MAGEA1: variants seen among roughly 807,000 people sequenced by gnomAD.
MAGEA1 encodes the protein melanoma-associated antigen 1.
For synonymous variants in MAGEA1, 101 were observed against 96.7 expected, an observed-to-expected ratio of 1.04 and a Z score of -0.26; for missense variants, 182 against 233.7, an observed-to-expected ratio of 0.78 and a Z score of 1.44.
Position 153,183,766 on chromosome X carries a change from C to G in MAGEA1, c.*447C>G, listed in dbSNP as rs45558344. 2.7e-4 allele frequency: 36 copies of G among 131,768 alleles called. No individual in the cohort carries two copies. Among genetic ancestry groups the G allele is most frequent in the Non-Finnish European group, 1.1e-4 (7 of 62,533 alleles). The allele number at this position is 131,768 out of a possible 1,213,427, so 10.9% of individuals were successfully genotyped here. ...AAATTAAGAGATAGTCAATTCTTGC[C>G]TTATACCTCAGTCTATTCTGTAAAA... is the stretch of plus-strand genomic sequence containing the variant. On this transcript the variant is annotated 3_prime_UTR_variant, in exon 3 of 3. Coordinates refer to ENST00000356661, the MANE Select transcript of MAGEA1 (RefSeq NM_004988.5).
At chrX:153,180,434 A>G (rs914409432) in intron 1 of MAGEA1, among the ~76,000 whole-genome samples, 1 of 110,869 alleles carries the variant, frequency 9.0e-6, no homozygotes, top group African/African-American at 3.3e-5. Flanking sequence ...CCTGCTGTCA[A>G]CCCACGGAAG....
chrX:153,182,504 G>C lies in MAGEA1; in HGVS notation c.115G>C (p.Val39Leu). The change falls in exon 3 of 3, where the codon GTC becomes CTC. Residue 39 changes from valine to leucine, a missense_variant. Physicochemically the swap from Val to Leu is conservative, Grantham distance 32. Transcript: ENST00000356661. The stretch of plus-strand genomic sequence containing the variant: ...TGCCACCTCCTCCTCCTCTCCTCTG[G>C]TCCTGGGCACCCTGGAGGAGGTGCC... ...QAATSSSSPL[V>L]LGTLEEVPTA... 2 of 1,211,376 alleles carry C rather than the reference G, an allele frequency of 1.7e-6. No individual in the cohort carries two copies. Among genetic ancestry groups the C allele is most frequent in the South Asian group, 3.5e-5 (2 of 56,959 alleles).
chrX:153,183,692 T>C lies in MAGEA1; in HGVS notation c.*373T>C. On this transcript the variant is annotated 3_prime_UTR_variant, in exon 3 of 3. Coordinates refer to ENST00000356661, the MANE Select transcript of MAGEA1 (RefSeq NM_004988.5). The stretch of plus-strand genomic sequence containing the variant: ...TAATAACAGCAGTGGAATAAGTACT[T>C]AGAAATGTGAAAAATGAGCAGTAAA... 1 of 168,931 alleles carries C rather than the reference T, an allele frequency of 5.9e-6. No homozygotes were observed. The highest frequency in any genetic ancestry group is 1.2e-5 in the Non-Finnish European group (1 of 83,854). 13.9% of individuals were successfully genotyped at this position (168,931 alleles called of 1,213,427 possible).
In MAGEA1 at chrX:153,182,871, A is replaced by C. The variant is rs1556944158; in HGVS notation, c.482A>C (p.Glu161Ala). 3 of 1,211,823 alleles carry C rather than the reference A, an allele frequency of 2.5e-6. No individual in the cohort carries two copies. In the Admixed American group the frequency reaches 6.5e-5, roughly 26 times the overall value. ...CTGGTCTTTGGCATTGACGTGAAGG[A>C]AGCAGACCCCACCGGCCACTCCTAT... ...LQLVFGIDVK[E>A]ADPTGHSYVL... The change falls in exon 3 of 3, where the codon GAA becomes GCA. Residue 161 changes from glutamate (E) to alanine (A), a missense_variant. Coordinates refer to ENST00000356661, the MANE Select transcript of MAGEA1 (RefSeq NM_004988.5).
rs1556944064 is a variant in MAGEA1, at chrX:153,182,423, C to A, written c.34C>A (p.Pro12Thr). The A allele has an allele frequency of 5.8e-6, 7 of 1,209,040 alleles. No homozygotes were observed. In the Admixed American group the frequency reaches 1.3e-4, roughly 23 times the overall value. The change falls in exon 3 of 3, where the codon CCT (proline) becomes ACT (threonine). Residue 12 changes from proline (P) to threonine (T), a missense_variant. By Grantham distance (38) the Pro-to-Thr change is conservative (BLOSUM62 -1). Transcript: ENST00000356661. The stretch of plus-strand genomic sequence containing the variant: ...TGAGCAGAGGAGTCTGCACTGCAAG[C>A]CTGAGGAAGCCCTTGAGGCCCAACA... The part of the protein sequence containing the change: ...SLEQRSLHCK[P>T]EEALEAQQEA...
chrX:153,179,576 T>C (rs1265653888), intron 1 of MAGEA1, among the ~76,000 whole-genome samples: 1 of 109,573 alleles, frequency 9.1e-6, no homozygotes, highest in Non-Finnish European at 1.9e-5. Context: ...AGGGCAGGAC[T>C]GGTTAGGAGA....
In MAGEA1 at chrX:153,183,397, T is replaced by C; in HGVS notation, c.*78T>C. On this transcript the variant is annotated 3_prime_UTR_variant, in exon 3 of 3. Coordinates refer to ENST00000356661, the MANE Select transcript of MAGEA1 (RefSeq NM_004988.5). ...CAGGGCCGCGTCCAGCAGCTTCCCCTGCCTCGTGTGACATGAGGCCCATTC... is the reference window on the plus strand; with the variant it reads ...CAGGGCCGCGTCCAGCAGCTTCCCCCGCCTCGTGTGACATGAGGCCCATTC... 1.0e-6 allele frequency: 1 copy of C among 982,815 alleles called. No individual in the cohort carries two copies. Among genetic ancestry groups the C allele is most frequent in the Non-Finnish European group, 1.4e-6 (1 of 707,331 alleles). 81.0% of individuals were successfully genotyped at this position (982,815 alleles called of 1,213,427 possible).
intron 1 of MAGEA1, among the ~76,000 whole-genome samples, 193 bp from the exon 2 acceptor site, chrX:153,181,984 C>T (rs782643765): frequency 1.8e-5 from 2 of 111,462 alleles, no homozygotes; most frequent in East Asian, 5.7e-4. Flanking sequence ...ACAGTATCCT[C>T]AGGTCACAGA....
At chrX:153,180,671 G>A (rs1275642538) in intron 1 of MAGEA1, among the ~76,000 whole-genome samples, 1 of 111,945 alleles carries the variant, frequency 8.9e-6, no homozygotes, top group Non-Finnish European at 1.9e-5. Context: ...TAGCATGGGG[G>A]TGGGACCCAG....
Position 153,182,779 on chromosome X carries a change from G to T in MAGEA1, c.390G>T (p.Glu130Asp), listed in dbSNP as rs1556944145. Reference protein sequence around the residue: ...REPVTKAEMLESVIKNYKHCF... With the variant: ...REPVTKAEMLDSVIKNYKHCF... ...CAGTCACAAAGGCAGAAATGCTGGA[G>T]AGTGTCATCAAAAATTACAAGCACT... The change falls in exon 3 of 3, where the codon GAG becomes GAT. Residue 130 changes from glutamate to aspartate, a missense_variant. Physicochemically the swap from Glu to Asp is conservative, Grantham distance 45. Transcript: ENST00000356661. The T allele has an allele frequency of 8.3e-7, 1 of 1,212,036 alleles. No individual in the cohort carries two copies. Among genetic ancestry groups the T allele is most frequent in the South Asian group, 1.8e-5 (1 of 56,973 alleles).
chrX:153,183,211 C>G lies in MAGEA1; in HGVS notation c.822C>G (p.Thr274=). ...FLWGPRALAE[T]SYVKVLEYVI... The stretch of plus-strand genomic sequence containing the variant: ...GGGGTCCAAGGGCCCTCGCTGAAAC[C>G]AGCTATGTGAAAGTCCTTGAGTATG... The change falls in exon 3 of 3, where the codon ACC becomes ACG. Residue 274 remains threonine (T), a synonymous_variant. Transcript: ENST00000356661. The G allele has an allele frequency of 8.2e-7, 1 of 1,212,233 alleles. No homozygotes were observed. Among genetic ancestry groups the G allele is most frequent in the Non-Finnish European group, 1.1e-6 (1 of 895,607 alleles).
Position 153,182,595 on chromosome X carries a change from A to G in MAGEA1, c.206A>G (p.Asn69Ser), listed in dbSNP as rs782303860. 4 of 1,208,860 alleles carry G rather than the reference A, an allele frequency of 3.3e-6. No homozygotes were observed. Among genetic ancestry groups the G allele is most frequent in the East Asian group, 3.0e-5 (1 of 33,705 alleles). Reference sequence around the variant, plus strand: ...GCCTCCGCCTTTCCCACTACCATCAACTTCACTCGACAGAGGCAACCCAGT... The same window carrying G: ...GCCTCCGCCTTTCCCACTACCATCAGCTTCACTCGACAGAGGCAACCCAGT... ...QGASAFPTTINFTRQRQPSEG... is the reference protein window; with the variant it reads ...QGASAFPTTISFTRQRQPSEG... Residue 69 changes from asparagine (N) to serine (S), a missense_variant, in exon 3 of 3, where the codon AAC becomes AGC. Asn to Ser is a conservative substitution (Grantham distance 46). Transcript: ENST00000356661.
At chrX:153,181,129 G>A (rs969816787) in intron 1 of MAGEA1, among the ~76,000 whole-genome samples, 34 of 111,072 alleles carry the variant, frequency 3.1e-4, no homozygotes, top group African/African-American at 1.1e-3. Context: ...AAGCACAGGC[G>A]CTGGCAGGAA....
chrX:153,183,250 T>C lies in MAGEA1; in HGVS notation c.861T>C (p.Ser287=). 8.2e-7 allele frequency: 1 copy of C among 1,212,157 alleles called. No individual in the cohort carries two copies. The highest frequency in any genetic ancestry group is 1.1e-6 in the Non-Finnish European group (1 of 895,587). The change falls in exon 3 of 3, where the codon AGT becomes AGC. Residue 287 remains serine, a synonymous_variant. Coordinates refer to ENST00000356661, the MANE Select transcript of MAGEA1 (RefSeq NM_004988.5). ...VKVLEYVIKV[S]ARVRFFFPSL... is the part of the protein sequence containing the mutation. ...TCCTTGAGTATGTGATCAAGGTCAG[T>C]GCAAGAGTTCGCTTTTTCTTCCCAT...
In MAGEA1 at chrX:153,182,878, C is replaced by G. The variant is rs782661974; in HGVS notation, c.489C>G (p.Asp163Glu). ...LVFGIDVKEA[D>E]PTGHSYVLVT... ...TTGGCATTGACGTGAAGGAAGCAGA[C>G]CCCACCGGCCACTCCTATGTCCTTG... The change falls in exon 3 of 3, where the codon GAC (aspartate) becomes GAG (glutamate). Residue 163 changes from aspartate (D) to glutamate (E), a missense_variant. Asp to Glu is a conservative substitution (Grantham distance 45, BLOSUM62 2). Transcript: ENST00000356661. 52 of 1,210,111 alleles carry G rather than the reference C, an allele frequency of 4.3e-5. No homozygotes were observed. The Admixed American group carries it at 8.3e-4, about 19-fold the overall frequency.
chrX:153,180,687 C>T (rs2051488476), intron 1 of MAGEA1, among the ~76,000 whole-genome samples: 1 of 111,735 alleles, frequency 8.9e-6, no homozygotes, highest in Non-Finnish European at 1.9e-5. Context: ...CCCAGGCCTG[C>T]AAGGCTTACG....
At position 153,182,980 on chromosome X, in the gene MAGEA1, T is replaced by C. The variant is rs868942456; in HGVS notation, c.591T>C (p.Ile197=). 4.1e-6 allele frequency: 5 copies of C among 1,209,602 alleles called. No homozygotes were observed. The highest frequency in any genetic ancestry group is 5.6e-6 in the Non-Finnish European group (5 of 895,135). The stretch of plus-strand genomic sequence containing the variant: ...TGCCCAAGACAGGCTTCCTGATAAT[T>C]GTCCTGGTCATGATTGCAATGGAGG... ...QIMPKTGFLI[I]VLVMIAMEGG... The change falls in exon 3 of 3, where the codon ATT becomes ATC. Residue 197 remains isoleucine (I), a synonymous_variant. Transcript: ENST00000356661.
Position 153,183,144 on chromosome X carries a change from G to A in MAGEA1, c.755G>A (p.Arg252Gln), listed in dbSNP as rs962244158. The part of the protein sequence containing the change: ...DLVQEKYLEY[R>Q]QVPDSDPARY... ...GTGCAGGAAAAGTACCTGGAGTACC[G>A]GCAGGTGCCGGACAGTGATCCCGCA... is the stretch of plus-strand genomic sequence containing the variant. The change falls in exon 3 of 3, where the codon CGG (arginine) becomes CAG (glutamine). Residue 252 changes from arginine to glutamine, a missense_variant. Coordinates refer to ENST00000356661, the MANE Select transcript of MAGEA1 (RefSeq NM_004988.5). 4.1e-6 allele frequency: 5 copies of A among 1,212,195 alleles called. No homozygotes were observed. The highest frequency in any genetic ancestry group is 3.0e-5 in the East Asian group (1 of 33,845).
rs2051505481 is a variant in MAGEA1 at position 153,183,077 on chromosome X, A to T, written c.688A>T (p.Ser230Cys). ...VMEVYDGREH[S>C]AYGEPRKLLT... Reference sequence around the variant, plus strand: ...GGAGGTGTATGATGGGAGGGAGCACAGTGCCTATGGGGAGCCCAGGAAGCT... The same window carrying T: ...GGAGGTGTATGATGGGAGGGAGCACTGTGCCTATGGGGAGCCCAGGAAGCT... Residue 230 changes from serine (S) to cysteine (C), a missense_variant, in exon 3 of 3, where the codon AGT (serine) becomes TGT (cysteine). Physicochemically the swap from Ser to Cys is moderately radical, Grantham distance 112. Coordinates refer to ENST00000356661, the MANE Select transcript of MAGEA1 (RefSeq NM_004988.5). The T allele has an allele frequency of 8.3e-7, 1 of 1,210,386 alleles. No individual in the cohort carries two copies. The highest frequency in any genetic ancestry group is 1.1e-6 in the Non-Finnish European group (1 of 895,299).
Sources: allele counts gnomAD v4.1 joint callset (sites outside exome capture counted in the v4.1 genomes callset), GRCh38; gene constraint gnomAD v4.1.1; transcripts MANE v1.5; gene names NCBI Gene and HGNC (gene_info 2026-07-23, HGNC 2026-07-21).